The following CEP112 variants were observed in gnomAD, a reference collection of about 807,000 sequenced individuals.
CEP112 encodes the protein centrosomal protein 112.
CEP112 carries 127 observed loss-of-function variants against 153.0 expected under a neutral mutation model. That is an observed-to-expected ratio of 0.83 (90% CI 0.72 to 0.96). The LOEUF (loss-of-function observed/expected upper bound fraction) is 0.96, where lower values mean the gene tolerates loss of function less well. CEP112 is among the 40% of genes least tolerant of loss of function. CEP112 has a pLI of 0.00. For synonymous variants in CEP112, 358 were observed against 374.4 expected, an observed-to-expected ratio of 0.96 and a Z score of 0.51; for missense variants, 1,089 against 1,101.2, an observed-to-expected ratio of 0.99 and a Z score of 0.16.
At chr17:66,155,040 G>A in intron 4 of CEP112, among the ~76,000 whole-genome samples, 1 of 152,074 alleles carries the variant, frequency 6.6e-6, no homozygotes, top group Admixed American at 6.5e-5. Context: ...GATACAACAA[G>A]AAGGTCCTCA....
intron 17 of CEP112, among the ~76,000 whole-genome samples, chr17:65,982,482 G>A (rs952054798): frequency 6.6e-6 from 1 of 152,162 alleles, no homozygotes; most frequent in Non-Finnish European, 1.5e-5. Flanking sequence ...TCAACTGATG[G>A]TTTGAATTCT....
intron 21 of CEP112, among the ~76,000 whole-genome samples, chr17:65,836,106 A>G (rs2057297074): frequency 6.6e-6 from 1 of 152,072 alleles, no homozygotes; most frequent in Non-Finnish European, 1.5e-5. Flanking sequence ...GTGGCCACAA[A>G]GCAAAGTAAA....
intron 20 of CEP112, among the ~76,000 whole-genome samples, chr17:65,883,273 T>TAC (rs1951273528): frequency 6.6e-6 from 1 of 151,068 alleles, no homozygotes. Flanking sequence ...CATATATATA[T>TAC]ATATATATGA....
chr17:66,096,812 A>G (rs969719267), intron 6 of CEP112, among the ~76,000 whole-genome samples, 180 bp from the exon 7 acceptor site: 4 of 152,208 alleles, frequency 2.6e-5, no homozygotes, highest in Non-Finnish European at 5.9e-5. Context: ...AGTAAAATAT[A>G]AAACATAAAC....
At chr17:66,130,811 ATTC>A (rs1404396752) in intron 5 of CEP112, among the ~76,000 whole-genome samples, 1 of 148,980 alleles carries the variant, frequency 6.7e-6, no homozygotes, top group Non-Finnish European at 1.5e-5. Context: ...AATTATGGTG[ATTC>A]TTCACTTTTT....
intron 23 of CEP112, among the ~76,000 whole-genome samples, chr17:65,693,497 C>T (rs933912890): frequency 6.7e-6 from 1 of 149,786 alleles, no homozygotes; most frequent in Non-Finnish European, 1.5e-5. Flanking sequence ...AGGCCAAAGA[C>T]AACAGGCCTG....
At chr17:65,935,965 G>A (rs968216111) in intron 18 of CEP112, among the ~76,000 whole-genome samples, 9 of 151,930 alleles carry the variant, frequency 5.9e-5, no homozygotes, top group East Asian at 1.9e-4. Context: ...ATGAAACTAC[G>A]AGTTGGTTTT....
At chr17:65,670,230 C>G (rs930569438) in intron 24 of CEP112, among the ~76,000 whole-genome samples, 6 of 150,394 alleles carry the variant, frequency 4.0e-5, no homozygotes, top group African/African-American at 1.2e-4. Context: ...TGTGTTCTGT[C>G]ATTTTCAAAA....
rs1466156046 is a variant in CEP112, at chr17:66,175,228, A to C, written c.298-12T>G. ...TCAAAATAGATGGACTGATTTTTTA[A>C]AATTAGAAAAATTATTCTTTCAAAA... On this transcript the variant is annotated splice_polypyrimidine_tract_variant and intron_variant, in intron 3 of 26. Transcript: ENST00000535342. The C allele has an allele frequency of 1.3e-6, 2 of 1,506,786 alleles. No homozygotes were observed. The highest frequency in any genetic ancestry group is 1.8e-6 in the Non-Finnish European group (2 of 1,128,334). 93.3% of individuals were successfully genotyped at this position (1,506,786 alleles called of 1,614,324 possible).
At chr17:65,986,805 T>C (rs1241489577) in intron 17 of CEP112, among the ~76,000 whole-genome samples, 3 of 152,152 alleles carry the variant, frequency 2.0e-5, no homozygotes, top group Non-Finnish European at 4.4e-5. Context: ...GACCAATGTT[T>C]TTATCCACCT....
At chr17:66,030,083 G>A (rs1253327621) in intron 12 of CEP112, 60 bp from the exon 13 acceptor site, 56 of 1,420,892 alleles carry the variant, frequency 3.9e-5, no homozygotes, top group Non-Finnish European at 5.4e-5. Flanking sequence ...TTTTGTATCT[G>A]TAAGAAGCTT....
chr17:65,755,279 C>T (rs2052183494), intron 21 of CEP112, among the ~76,000 whole-genome samples: 3 of 151,996 alleles, frequency 2.0e-5, no homozygotes. Flanking sequence ...TCTTCACATG[C>T]CCAGAGCAGG....
intron 16 of CEP112, among the ~76,000 whole-genome samples, chr17:66,026,108 A>T (rs1365290010): frequency 6.6e-6 from 1 of 151,724 alleles, no homozygotes; most frequent in Non-Finnish European, 1.5e-5. Context: ...GAGAGTGTGG[A>T]ATGACAGACA....
chr17:65,843,983 T>C (rs529963577), intron 21 of CEP112, among the ~76,000 whole-genome samples: 1 of 152,304 alleles, frequency 6.6e-6, no homozygotes, highest in South Asian at 2.1e-4. Context: ...ATAAGGGTTT[T>C]ATCATTCTAA....
At chr17:65,986,453 C>T (rs2063409031) in intron 17 of CEP112, among the ~76,000 whole-genome samples, 1 of 152,110 alleles carries the variant, frequency 6.6e-6, no homozygotes, top group African/African-American at 2.4e-5. Flanking sequence ...TATGATAATG[C>T]TTTTTCCTTC....
chr17:65,851,980 C>G lies in CEP112; in HGVS notation c.2218G>C (p.Val740Leu), dbSNP rs1204996307. The change falls in exon 21 of 27, where the codon GTG (valine) becomes CTG (leucine). Residue 740 changes from valine (V) to leucine (L), a missense_variant. By Grantham distance (32) the Val-to-Leu change is conservative. Coordinates refer to ENST00000535342, the MANE Select transcript of CEP112 (RefSeq NM_001199165.4). ...AGCTGCTGTTTCCGCTGTGAGTTCA[C>G]ATTGATCAATTCTTCTCTCAACTTG... ...VHKLREELIN[V>L]NSQRKQQLVE... The G allele has an allele frequency of 6.2e-7, 1 of 1,613,846 alleles. No homozygotes were observed. The highest frequency in any genetic ancestry group is 1.7e-5 in the Admixed American group (1 of 59,982).
chr17:65,683,340 C>T lies in CEP112; in HGVS notation c.2697+5789G>A, dbSNP rs183240427. Among the ~76,000 whole-genome samples the T allele has an allele frequency of 6.0e-4, 92 of 152,316 alleles. 1 individual carries two copies. Among genetic ancestry groups the T allele is most frequent in the African/African-American group, 2.2e-3 (90 of 41,580 alleles). On this transcript the variant is annotated intron_variant, in intron 24 of 26. Transcript: ENST00000535342. ...AGCTATTTTAAAATAATTTATGAGTCACTTGTGCCTGCACAGTCCAGACCT... is the reference window on the plus strand; with the variant it reads ...AGCTATTTTAAAATAATTTATGAGTTACTTGTGCCTGCACAGTCCAGACCT...
intron 19 of CEP112, among the ~76,000 whole-genome samples, chr17:65,912,672 T>C (rs2060332005): frequency 1.3e-5 from 2 of 152,156 alleles, no homozygotes; most frequent in Non-Finnish European, 2.9e-5. Context: ...CACAAACAAT[T>C]ATCAACATGC....
intron 21 of CEP112, among the ~76,000 whole-genome samples, chr17:65,813,952 A>G (rs1263345786): frequency 6.6e-6 from 1 of 152,196 alleles, no homozygotes; most frequent in Non-Finnish European, 1.5e-5. Context: ...TTCCTGATCA[A>G]TCTGTTGGGA....
Sources: allele counts gnomAD v4.1 joint callset (sites outside exome capture counted in the v4.1 genomes callset), GRCh38; gene constraint gnomAD v4.1.1; transcripts MANE v1.5; gene names NCBI Gene and HGNC (gene_info 2026-07-23, HGNC 2026-07-21).